The following USP8 variants were observed in gnomAD, a reference collection of about 807,000 sequenced individuals.
USP8 encodes the protein ubiquitin carboxyl-terminal hydrolase 8.
In USP8, 27 loss-of-function variants were observed where a neutral mutation model predicts 130.0. The observed-to-expected ratio is 0.21, with a 90% CI of 0.15 to 0.29. The LOEUF (loss-of-function observed/expected upper bound fraction) is 0.29. Among genes scored for constraint, USP8 ranks in the 10% least tolerant of loss-of-function variants. The probability of loss-of-function intolerance (pLI) is 1.00; values close to 1 mark genes in which losing one functional copy is unlikely to be tolerated. For synonymous variants in USP8, 392 were observed against 444.1 expected (o/e 0.88, Z 1.48); for missense variants, 1,029 against 1,312.2 (o/e 0.78, Z 3.33).
chr15:50,493,147 G>A, intron 15 of USP8: 1 of 606,386 alleles, frequency 1.6e-6, no homozygotes, highest in South Asian at 1.5e-5. Context: ...GGAAGCGAAA[G>A]AGGACAGACT....
chr15:50,481,599 C>T lies in USP8; in HGVS notation c.1337C>T (p.Thr446Ile), dbSNP rs750339367. ...QSGKVIPDRS[T>I]KPVVFSPTLM... The stretch of plus-strand genomic sequence containing the variant: ...GGAAAAGTTATTCCTGATCGTTCCA[C>T]CAAGCCAGTAGTTTTTTCTCCAACT... Residue 446 changes from threonine to isoleucine, a missense_variant, in exon 11 of 20, where the codon ACC becomes ATC. Around this residue, in one of 4 missense-constraint regions of USP8, gnomAD observed 486 missense variants for 522.0 expected, o/e 0.93. Coordinates refer to ENST00000307179, the MANE Select transcript of USP8 (RefSeq NM_005154.5). 8 of 1,614,072 alleles carry T rather than the reference C, an allele frequency of 5.0e-6. No individual in the cohort carries two copies. The highest frequency in any genetic ancestry group is 6.8e-6 in the Non-Finnish European group (8 of 1,180,008).
intron 1 of USP8, among the ~76,000 whole-genome samples, chr15:50,437,392 G>T (rs1555526414): frequency 6.6e-6 from 1 of 151,968 alleles, no homozygotes; most frequent in Non-Finnish European, 1.5e-5. Context: ...GCAATATATT[G>T]TTCAATTCAA....
chr15:50,444,097 GTTT>G (rs751970462), intron 3 of USP8, among the ~76,000 whole-genome samples: 1,853 of 117,460 alleles, frequency 0.016, 17 homozygotes, highest in Non-Finnish European at 0.023. Context: ...TGTGTGGTAG[GTTT>G]TTTTTTTTTT....
intron 18 of USP8, 180 bp from the exon 19 acceptor site, chr15:50,498,416 C>CTTGT: frequency 2.6e-6 from 2 of 755,558 alleles, no homozygotes; most frequent in Non-Finnish European, 4.0e-6. Flanking sequence ...CCTCAGTTTT[C>CTTGT]TTGTTTGTAA....
At chr15:50,467,338 G>T (rs1299391791) in intron 7 of USP8, among the ~76,000 whole-genome samples, 2 of 152,088 alleles carry the variant, frequency 1.3e-5, no homozygotes, top group Non-Finnish European at 2.9e-5. Flanking sequence ...TTAGGTTGAA[G>T]ATTAAAGAAC....
At chr15:50,487,545 T>A (rs2052009186) in intron 12 of USP8, among the ~76,000 whole-genome samples, 1 of 152,212 alleles carries the variant, frequency 6.6e-6, no homozygotes, top group Non-Finnish European at 1.5e-5. Flanking sequence ...AAGCAGGGCT[T>A]CACACCAGCT....
chr15:50,490,341 G>C lies in USP8; in HGVS notation c.2050G>C (p.Ala684Pro), dbSNP rs139674785. ...TGTTCATATGTACCCACCGGAAATG[G>C]CTCCTTCATCTGCACCTCCTTCCAC... Reference protein sequence around the residue: ...NTVHMYPPEMAPSSAPPSTPP... With the variant: ...NTVHMYPPEMPPSSAPPSTPP... Residue 684 changes from alanine (A) to proline (P), a missense_variant, in exon 14 of 20, where the codon GCT becomes CCT. By Grantham distance (27) the Ala-to-Pro change is conservative. This residue lies in a region of USP8 where 486 missense variants were observed against 522.0 expected (regional missense o/e 0.93). Coordinates refer to ENST00000307179, the MANE Select transcript of USP8 (RefSeq NM_005154.5). 1.2e-6 allele frequency: 2 copies of C among 1,613,432 alleles called. No individual in the cohort carries two copies. The highest frequency in any genetic ancestry group is 2.2e-5 in the East Asian group (1 of 44,854).
At chr15:50,463,582 C>T (rs752321909) in intron 6 of USP8, 1 of 152,180 alleles carries the variant, frequency 6.6e-6, no homozygotes, top group African/African-American at 2.4e-5. Context: ...AAAGCTGTTA[C>T]TGATTCATTC....
At chr15:50,441,095 T>A (rs932194359) in intron 2 of USP8, among the ~76,000 whole-genome samples, 9 of 151,934 alleles carry the variant, frequency 5.9e-5, no homozygotes, top group African/African-American at 2.2e-4. Flanking sequence ...GCCACCATGA[T>A]CTGACAGGAG....
intron 4 of USP8, among the ~76,000 whole-genome samples, chr15:50,449,813 CCTT>C: frequency 6.6e-6 from 1 of 151,344 alleles, no homozygotes; most frequent in Non-Finnish European, 1.5e-5. Flanking sequence ...GATCTCCTGA[CCTT>C]CTGATCCTCC....
Position 50,497,148 on chromosome 15 carries a change from C to T in USP8, c.2955C>T (p.Cys985=), listed in dbSNP as rs765261903. 1 of 1,609,618 alleles carries T rather than the reference C, an allele frequency of 6.2e-7. No individual in the cohort carries two copies. The highest frequency in any genetic ancestry group is 1.1e-5 in the South Asian group (1 of 90,266). ...EKLTDNNRFY[C]SHCRARRDSL... is the part of the protein sequence containing the mutation. ...TCACAGATAACAACAGATTTTACTG[C>T]AGTCATTGCAGAGCTCGACGGGATT... Residue 985 remains cysteine (C), a synonymous_variant, in exon 18 of 20, where the codon TGC becomes TGT. Coordinates refer to ENST00000307179, the MANE Select transcript of USP8 (RefSeq NM_005154.5).
At position 50,500,597 on chromosome 15, in the gene USP8, A is replaced by G. The variant is rs188746203; in HGVS notation, c.*1509A>G. 79 of 573,568 alleles carry G rather than the reference A, an allele frequency of 1.4e-4. No individual in the cohort carries two copies. In the East Asian group the frequency reaches 2.3e-3, roughly 16 times the overall value. The allele number at this position is 573,568 out of a possible 1,614,324, so 35.5% of individuals were successfully genotyped here. A position where few individuals can be genotyped will look rare whatever the true frequency, so the allele number is the denominator to read the frequency against. ...GAGTTTAATGACCAAGCAAAACTCT[A>G]CCACCAGATGCTGACTGCTTGTTTT... On this transcript the variant is annotated 3_prime_UTR_variant, in exon 20 of 20. Transcript: ENST00000307179.
At chr15:50,446,017 A>T (rs1453576753) in intron 3 of USP8, among the ~76,000 whole-genome samples, 1 of 152,158 alleles carries the variant, frequency 6.6e-6, no homozygotes, top group Non-Finnish European at 1.5e-5. Flanking sequence ...TGTATTGAAA[A>T]TATTAGTGTA....
chr15:50,456,754 C>A (rs1225466726), intron 4 of USP8, among the ~76,000 whole-genome samples: 1 of 149,990 alleles, frequency 6.7e-6, no homozygotes, highest in African/African-American at 2.4e-5. Flanking sequence ...GGCACAATGG[C>A]ATGCGCCTGT....
chr15:50,431,739 C>G (rs1050192362), intron 1 of USP8, among the ~76,000 whole-genome samples: 2 of 152,184 alleles, frequency 1.3e-5, no homozygotes, highest in African/African-American at 4.8e-5. Flanking sequence ...TCACTGCAAC[C>G]TCTGCCCCCT....
intron 7 of USP8, among the ~76,000 whole-genome samples, chr15:50,465,586 G>T (rs1164755595): frequency 6.6e-6 from 1 of 152,088 alleles, no homozygotes; most frequent in Admixed American, 6.6e-5. Flanking sequence ...AAAGAGAAAT[G>T]AAGTTGCCTT....
intron 3 of USP8, among the ~76,000 whole-genome samples, chr15:50,441,919 C>A (rs1381809704): frequency 1.3e-5 from 2 of 150,762 alleles, no homozygotes; most frequent in Admixed American, 1.3e-4. Context: ...GACATTGTAC[C>A]CATATTACAA....
intron 7 of USP8, among the ~76,000 whole-genome samples, chr15:50,466,484 A>G (rs1393612018): frequency 6.6e-6 from 1 of 151,716 alleles, no homozygotes; most frequent in African/African-American, 2.4e-5. Context: ...AATCCCAGCT[A>G]CTCGGGAGGC....
At chr15:50,480,633 A>AT (rs903632841) in intron 10 of USP8, among the ~76,000 whole-genome samples, 30 of 149,958 alleles carry the variant, frequency 2.0e-4, no homozygotes, top group African/African-American at 6.6e-4. Flanking sequence ...TCTTGGAATA[A>AT]TTTTTTTTTT....
Sources: allele counts gnomAD v4.1 joint callset (sites outside exome capture counted in the v4.1 genomes callset), GRCh38; gene constraint gnomAD v4.1.1; regional missense constraint gnomAD v4.1.1; transcripts MANE v1.5; gene names NCBI Gene and HGNC (gene_info 2026-07-23, HGNC 2026-07-21).